GALNT7: variants seen among roughly 807,000 people sequenced by gnomAD.
GALNT7 encodes N-acetylgalactosaminyltransferase 7.
In GALNT7, 60 loss-of-function variants were observed where a neutral mutation model predicts 82.1. The observed-to-expected ratio is 0.73, with a 90% CI of 0.59 to 0.91. The LOEUF is 0.91. Ranked by LOEUF, GALNT7 falls within the 40% of genes least tolerant of loss-of-function variation. The pLI is 0.00. For synonymous variants in GALNT7, 243 were observed against 275.1 expected (o/e 0.88, Z 1.15); for missense variants, 660 against 804.2 (o/e 0.82, Z 2.17).
At chr4:173,209,532 A>G (rs1169986954) in intron 1 of GALNT7, among the ~76,000 whole-genome samples, 1 of 152,196 alleles carries the variant, frequency 6.6e-6, no homozygotes, top group Non-Finnish European at 1.5e-5. Flanking sequence ...ACTTGGAGCC[A>G]AAAGGAAAAT....
intron 1 of GALNT7, among the ~76,000 whole-genome samples, chr4:173,170,440 G>A (rs1731823137): frequency 1.3e-5 from 2 of 152,180 alleles, no homozygotes; most frequent in African/African-American, 2.4e-5. Flanking sequence ...TCAGCTCTTC[G>A]CCTATATCAT....
intron 2 of GALNT7, among the ~76,000 whole-genome samples, chr4:173,270,892 G>A (rs1025197923): frequency 6.6e-6 from 1 of 152,162 alleles, no homozygotes; most frequent in East Asian, 1.9e-4. Flanking sequence ...TGCATTCTGT[G>A]CAGGCTCCTG....
intron 2 of GALNT7, among the ~76,000 whole-genome samples, chr4:173,286,032 A>C (rs930447172): frequency 6.6e-6 from 1 of 152,260 alleles, no homozygotes; most frequent in African/African-American, 2.4e-5. Context: ...AACAACAACA[A>C]AAAACCTTTT....
chr4:173,259,877 A>G lies in GALNT7; in HGVS notation c.587+11437A>G, dbSNP rs546308748. 2.0e-5 allele frequency among the ~76,000 whole-genome samples: 3 copies of G among 152,256 alleles called. No homozygotes were observed. In the East Asian group the frequency reaches 5.8e-4, roughly 29 times the overall value. On this transcript the variant is annotated intron_variant, in intron 2 of 11. Transcript: ENST00000265000. The stretch of plus-strand genomic sequence containing the variant: ...GGTCTCGAACTCTTGACCTCAGGTG[A>G]TCCACCCACCTCAGCCTCCCAAAGT...
rs546400231 is a variant in GALNT7 at position 173,190,680 on chromosome 4, T to TG, written c.126+21720dup. ...GGGCCAGGCTTTAAGTTTTTTTTAA[T>TG]GCGTTCATTATTACCAAGCAGTGCT... On this transcript the variant is annotated intron_variant, in intron 1 of 11. Transcript: ENST00000265000. Among the ~76,000 whole-genome samples, 4 of 152,338 alleles carry TG rather than the reference T, an allele frequency of 2.6e-5. No individual in the cohort carries two copies. In the South Asian group the frequency reaches 8.3e-4, roughly 32 times the overall value.
chr4:173,229,734 C>A (rs905561855), intron 1 of GALNT7, among the ~76,000 whole-genome samples: 1 of 152,162 alleles, frequency 6.6e-6, no homozygotes, highest in Non-Finnish European at 1.5e-5. Context: ...ATGCTTGTTT[C>A]ATTGTATGGG....
At chr4:173,217,168 A>T (rs564055961) in intron 1 of GALNT7, among the ~76,000 whole-genome samples, 73 of 152,256 alleles carry the variant, frequency 4.8e-4, no homozygotes, top group African/African-American at 1.7e-3. Flanking sequence ...TTGCCCAGTT[A>T]ACCAGAGAAT....
chr4:173,295,259 C>A lies in GALNT7; in HGVS notation c.755-137C>A, dbSNP rs185727837. 55 of 623,164 alleles carry A rather than the reference C, an allele frequency of 8.8e-5. No homozygotes were observed. The African/African-American group carries it at 9.6e-4, about 11-fold the overall frequency. The allele number at this position is 623,164 out of a possible 1,614,324, so 38.6% of individuals were successfully genotyped here. Reference sequence around the variant, plus strand: ...TTAAATAATATACTTCGCCTTCCTTCTTGATAAAACGTGCAATCTGGTCCA... The same window carrying A: ...TTAAATAATATACTTCGCCTTCCTTATTGATAAAACGTGCAATCTGGTCCA... On this transcript the variant is annotated intron_variant, in intron 3 of 11. Transcript: ENST00000265000.
At chr4:173,195,316 C>G (rs1732742021) in intron 1 of GALNT7, among the ~76,000 whole-genome samples, 1 of 152,084 alleles carries the variant, frequency 6.6e-6, no homozygotes, top group South Asian at 2.1e-4. Flanking sequence ...TCTTCCAAAG[C>G]CTGAAGGGGG....
intron 1 of GALNT7, 66 bp from the exon 2 acceptor site, chr4:173,247,914 C>T (rs1004522012): frequency 9.6e-7 from 1 of 1,040,986 alleles, no homozygotes; most frequent in Non-Finnish European, 1.4e-6. Context: ...GAAAATTGGT[C>T]TCATGAGCTC....
chr4:173,240,588 C>T (rs1191835841), intron 1 of GALNT7, among the ~76,000 whole-genome samples: 2 of 151,894 alleles, frequency 1.3e-5, no homozygotes, highest in Admixed American at 1.3e-4. Flanking sequence ...AGGCTGGTCT[C>T]GAACTCCAGA....
chr4:173,265,960 A>G (rs1357098851), intron 2 of GALNT7, among the ~76,000 whole-genome samples: 1 of 152,080 alleles, frequency 6.6e-6, no homozygotes, highest in Non-Finnish European at 1.5e-5. Context: ...TAAATGTGTC[A>G]TAGAATTTTA....
chr4:173,198,128 C>T (rs1314363058), intron 1 of GALNT7, among the ~76,000 whole-genome samples: 11 of 151,408 alleles, frequency 7.3e-5, no homozygotes, highest in Admixed American at 2.6e-4. Flanking sequence ...GGTGTGATCT[C>T]GGTTCACTGC....
In GALNT7 at chr4:173,298,161, T is replaced by G; in HGVS notation, c.1012T>G (p.Tyr338Asp). The G allele has an allele frequency of 1.9e-6, 3 of 1,614,034 alleles. No homozygotes were observed. Among genetic ancestry groups the G allele is most frequent in the Non-Finnish European group, 2.5e-6 (3 of 1,179,960 alleles). Residue 338 changes from tyrosine to aspartate, a missense_variant, in exon 6 of 12, where the codon TAT becomes GAT. Coordinates refer to ENST00000265000, the MANE Select transcript of GALNT7 (RefSeq NM_017423.3). Reference protein sequence around the residue: ...PLIDVINGNTYEIIPQGGGDE... With the variant: ...PLIDVINGNTDEIIPQGGGDE... ...TATAGATGTCATAAATGGCAACACA[T>G]ATGAAATTATACCCCAAGGGGGTGG...
At chr4:173,176,005 G>A (rs1426946844) in intron 1 of GALNT7, among the ~76,000 whole-genome samples, 4 of 152,220 alleles carry the variant, frequency 2.6e-5, no homozygotes, top group South Asian at 2.1e-4. Flanking sequence ...GCCAGGAGGC[G>A]GAGGTTGCAG....
At chr4:173,315,298 T>C (rs1303965045) in intron 9 of GALNT7, among the ~76,000 whole-genome samples, 2 of 152,010 alleles carry the variant, frequency 1.3e-5, no homozygotes, top group Admixed American at 6.6e-5. Flanking sequence ...GCTGCTGAGA[T>C]TGGGAAGATA....
chr4:173,306,376 T>TG (rs1258227714), intron 8 of GALNT7, among the ~76,000 whole-genome samples: 1 of 152,242 alleles, frequency 6.6e-6, no homozygotes, highest in Non-Finnish European at 1.5e-5. Context: ...CTTGTCTAGT[T>TG]GCTCTGGCTA....
At chr4:173,209,848 C>T (rs1480606393) in intron 1 of GALNT7, among the ~76,000 whole-genome samples, 1 of 152,216 alleles carries the variant, frequency 6.6e-6, no homozygotes, top group African/African-American at 2.4e-5. Flanking sequence ...TTACGAAACA[C>T]TCATGGCTGG....
intron 7 of GALNT7, among the ~76,000 whole-genome samples, chr4:173,303,210 AAG>A (rs1737018697): frequency 1.3e-5 from 2 of 152,134 alleles, no homozygotes; most frequent in Non-Finnish European, 2.9e-5. Flanking sequence ...AAAAAAAAGA[AAG>A]AGCGAGCGTT....
Sources: allele counts gnomAD v4.1 joint callset (sites outside exome capture counted in the v4.1 genomes callset), GRCh38; gene constraint gnomAD v4.1.1; transcripts MANE v1.5; gene names NCBI Gene and HGNC (gene_info 2026-07-23, HGNC 2026-07-21).